SHISA9: variants seen among roughly 807,000 people sequenced by gnomAD.
SHISA9 encodes the protein protein shisa-9.
A neutral mutation model predicts 38.0 loss-of-function variants in SHISA9; 13 were observed. That is an observed-to-expected ratio of 0.34 (90% CI 0.22 to 0.54). SHISA9 has a LOEUF of 0.54. SHISA9 is among the 20% of genes least tolerant of loss of function. The probability of loss-of-function intolerance (pLI) is 0.91; values close to 1 mark genes in which losing one functional copy is unlikely to be tolerated. For missense variants in SHISA9, 538 were observed against 575.8 expected, an observed-to-expected ratio of 0.93 and a Z score of 0.67; for synonymous variants, 275 against 242.0, an observed-to-expected ratio of 1.14 and a Z score of -1.27.
At chr16:13,539,600 A>G in the SHISA9 span, among the ~76,000 whole-genome samples, 1 of 151,954 alleles carries the variant, frequency 6.6e-6, no homozygotes, top group Non-Finnish European at 1.5e-5. Context: ...TTTGATTTGA[A>G]TTTCCAACTT....
chr16:12,914,126 A>C (rs1596526233), intron 1 of SHISA9, among the ~76,000 whole-genome samples: 1 of 148,048 alleles, frequency 6.8e-6, no homozygotes, highest in African/African-American at 2.5e-5. Context: ...GCTCACTGCA[A>C]CCCCTGCCTC....
the SHISA9 span, among the ~76,000 whole-genome samples, chr16:13,422,109 C>T: frequency 1.3e-5 from 2 of 152,154 alleles, no homozygotes; most frequent in African/African-American, 4.8e-5. Flanking sequence ...AGAGAGCACT[C>T]TCAAAAACAC....
Position 12,986,394 on chromosome 16 carries a change from C to T in SHISA9, c.691+69579C>T, listed in dbSNP as rs150981672. Among the ~76,000 whole-genome samples, 947 of 149,944 alleles carry T rather than the reference C, an allele frequency of 6.3e-3. 11 individuals are homozygous for T. The highest frequency in any genetic ancestry group is 0.023 in the African/African-American group (896 of 39,816). Reference sequence around the variant, plus strand: ...TAGAAGTAATTTGGAGTTTCATTTCCGTTTAGAAAATGAATGAATTACTCT... The same window carrying T: ...TAGAAGTAATTTGGAGTTTCATTTCTGTTTAGAAAATGAATGAATTACTCT... On this transcript the variant is annotated intron_variant, in intron 2 of 4. Coordinates refer to ENST00000558583, the MANE Select transcript of SHISA9 (RefSeq NM_001145204.3).
At chr16:13,453,335 C>T in the SHISA9 span, among the ~76,000 whole-genome samples, 1 of 152,192 alleles carries the variant, frequency 6.6e-6, no homozygotes, top group African/African-American at 2.4e-5. Context: ...CTACCTTTAT[C>T]CACACCTTTT....
the SHISA9 span, among the ~76,000 whole-genome samples, chr16:13,460,828 C>T: frequency 3.9e-4 from 59 of 152,278 alleles, no homozygotes; most frequent in African/African-American, 1.3e-3. Context: ...CAGAATACTA[C>T]GGTTAGGTCT....
At chr16:12,982,573 A>G (rs1404559706) in intron 2 of SHISA9, among the ~76,000 whole-genome samples, 2 of 152,160 alleles carry the variant, frequency 1.3e-5, no homozygotes, top group Admixed American at 6.5e-5. Context: ...CAGGGCATGC[A>G]TGGTACTTTT....
At chr16:12,977,017 G>C (rs908488341) in intron 2 of SHISA9, among the ~76,000 whole-genome samples, 1 of 152,216 alleles carries the variant, frequency 6.6e-6, no homozygotes. Context: ...GGAGCAGTGC[G>C]AGCAGAGAAT....
chr16:13,151,701 A>T (rs1311192873), intron 2 of SHISA9, among the ~76,000 whole-genome samples: 1 of 152,226 alleles, frequency 6.6e-6, no homozygotes, highest in Non-Finnish European at 1.5e-5. Flanking sequence ...TTAGCCAAAT[A>T]CACTTCTCTC....
At chr16:13,047,989 C>T (rs1438716527) in intron 2 of SHISA9, among the ~76,000 whole-genome samples, 2 of 152,124 alleles carry the variant, frequency 1.3e-5, no homozygotes, top group Non-Finnish European at 2.9e-5. Flanking sequence ...CAGAAGACTC[C>T]AAGACTCATT....
intron 2 of SHISA9, among the ~76,000 whole-genome samples, chr16:12,948,618 G>T (rs1224701712): frequency 6.6e-6 from 1 of 152,198 alleles, no homozygotes; most frequent in Non-Finnish European, 1.5e-5. Flanking sequence ...GACTTCTTGT[G>T]TCCTCACATG....
the SHISA9 span, among the ~76,000 whole-genome samples, chr16:13,523,801 G>A: frequency 2.0e-5 from 3 of 152,276 alleles, no homozygotes; most frequent in African/African-American, 7.2e-5. Context: ...TTCAATATGA[G>A]ATCTAGGTGC....
the SHISA9 span, among the ~76,000 whole-genome samples, chr16:13,438,231 C>G: frequency 6.6e-6 from 1 of 152,172 alleles, no homozygotes; most frequent in Non-Finnish European, 1.5e-5. Flanking sequence ...TTGTGTGACC[C>G]TTAGTTTGCT....
At chr16:12,970,332 T>TATATACATATATGTATATATATACAC (rs1567356735) in intron 2 of SHISA9, among the ~76,000 whole-genome samples, 1 of 74,986 alleles carries the variant, frequency 1.3e-5, no homozygotes, top group Non-Finnish European at 2.6e-5. Flanking sequence ...TATACATATA[T>TATATACATATATGTATATATATACAC]ATATATATAT....
intron 4 of SHISA9, among the ~76,000 whole-genome samples, chr16:13,221,464 A>G (rs1044105836): frequency 1.0e-4 from 15 of 147,954 alleles, no homozygotes; most frequent in Non-Finnish European, 1.5e-4. Context: ...TTTTAACAAC[A>G]TGAACTCTTT....
At chr16:13,469,365 A>AAAGAAAAAGAAAG in the SHISA9 span, among the ~76,000 whole-genome samples, 84 of 64,458 alleles carry the variant, frequency 1.3e-3, no homozygotes, top group South Asian at 2.5e-3. Flanking sequence ...AAAGAAAAGA[A>AAAGAAAAAGAAAG]AAAGAAAGAA....
rs146467274 is a variant in SHISA9, at chr16:13,225,785, C to T, written c.896-9245C>T. 2.4e-3 allele frequency among the ~76,000 whole-genome samples: 371 copies of T among 152,256 alleles called. 3 individuals carry two copies. Among genetic ancestry groups the T allele is most frequent in the East Asian group, 0.018 (92 of 5,186 alleles). ...ACGGAAGCCAGGCTCCATCCCGCCC[C>T]GCACCTGTACAAGTGTCTGCTGCTA... On this transcript the variant is annotated intron_variant, in intron 4 of 4. Coordinates refer to ENST00000558583, the MANE Select transcript of SHISA9 (RefSeq NM_001145204.3).
At chr16:13,377,472 T>C in the SHISA9 span, among the ~76,000 whole-genome samples, 3 of 152,308 alleles carry the variant, frequency 2.0e-5, no homozygotes, top group African/African-American at 7.2e-5. Flanking sequence ...CCAATATGCC[T>C]CTGTTACCTG....
At chr16:13,393,489 A>G in the SHISA9 span, among the ~76,000 whole-genome samples, 43 of 152,258 alleles carry the variant, frequency 2.8e-4, no homozygotes, top group South Asian at 8.9e-3. Flanking sequence ...ATATTTTTGT[A>G]GAAGTTTCCT....
At chr16:13,344,374 T>A in the SHISA9 span, among the ~76,000 whole-genome samples, 1 of 152,192 alleles carries the variant, frequency 6.6e-6, no homozygotes, top group Non-Finnish European at 1.5e-5. Flanking sequence ...AATTACTACA[T>A]ACCAGGAATG....
Sources: gnomAD v4.1 joint callset for allele counts (sites outside exome capture counted in the v4.1 genomes callset) on GRCh38, gnomAD v4.1.1 for gene constraint, MANE v1.5 for transcripts, NCBI Gene and HGNC (gene_info 2026-07-23, HGNC 2026-07-21) for gene names.